The following NRG4 variants were observed in gnomAD, a reference collection of about 807,000 sequenced individuals.
NRG4 encodes neuregulin 4.
Under a neutral mutation model 15.0 loss-of-function variants are expected in NRG4, and 10 were observed. That is an observed-to-expected ratio of 0.67 (90% CI 0.41 to 1.13). The LOEUF (loss-of-function observed/expected upper bound fraction) is 1.13. NRG4 is among the 50% of genes most tolerant of loss of function. NRG4 has a pLI of 0.00. For synonymous variants in NRG4, 41 were observed against 50.1 expected, an observed-to-expected ratio of 0.82 and a Z score of 0.77; for missense variants, 139 against 140.2, an observed-to-expected ratio of 0.99 and a Z score of 0.04.
chr15:76,020,781 A>G (rs2035126480), intron 5 of NRG4, among the ~76,000 whole-genome samples: 1 of 152,238 alleles, frequency 6.6e-6, no homozygotes, highest in African/African-American at 2.4e-5. Flanking sequence ...ATGAAGGCCG[A>G]GAGAGGTAAA....
At chr15:76,013,842 C>T (rs1411953974), upstream of NRG4, among the ~76,000 whole-genome samples, 1 of 152,070 alleles carries the variant, frequency 6.6e-6, no homozygotes. Flanking sequence ...ATTTATAATC[C>T]TTTGGGTATA....
At chr15:75,959,732 C>A (rs1406066081) in intron 4 of NRG4, among the ~76,000 whole-genome samples, 2 of 152,084 alleles carry the variant, frequency 1.3e-5, no homozygotes, top group Non-Finnish European at 2.9e-5. Context: ...AACTCCTGGG[C>A]TCAAGCAGTC....
intron 3 of NRG4, among the ~76,000 whole-genome samples, chr15:75,992,302 T>G (rs1342254207): frequency 6.6e-6 from 1 of 152,150 alleles, no homozygotes; most frequent in Non-Finnish European, 1.5e-5. Flanking sequence ...TTTTTACTAT[T>G]TCCAAAGTTC....
upstream of NRG4, among the ~76,000 whole-genome samples, chr15:76,013,251 C>T (rs1033313226): frequency 2.0e-5 from 3 of 151,804 alleles, no homozygotes; most frequent in Non-Finnish European, 4.4e-5. Flanking sequence ...GGTGTGAACC[C>T]GGGAGGCGGA....
intron 3 of NRG4, among the ~76,000 whole-genome samples, chr15:75,963,342 A>G (rs2032624212): frequency 6.6e-6 from 1 of 152,108 alleles, no homozygotes; most frequent in African/African-American, 2.4e-5. Flanking sequence ...AACTTAAATG[A>G]AAGTAAAAAT....
chr15:75,947,246 A>G (rs1267993040), intron 5 of NRG4, among the ~76,000 whole-genome samples: 1 of 152,188 alleles, frequency 6.6e-6, no homozygotes, highest in Admixed American at 6.5e-5. Flanking sequence ...GATGCTAATG[A>G]GATATATGAT....
chr15:75,998,981 A>C (rs2034308252), intron 3 of NRG4, among the ~76,000 whole-genome samples: 2 of 152,206 alleles, frequency 1.3e-5, no homozygotes. Flanking sequence ...AACTAGACTT[A>C]CCACATATTA....
intron 5 of NRG4, among the ~76,000 whole-genome samples, chr15:76,019,755 C>T (rs1020817300): frequency 2.0e-5 from 3 of 152,162 alleles, no homozygotes; most frequent in South Asian, 4.1e-4. Context: ...GTGTTGATCT[C>T]GCTGGGAGCT....
intron 3 of NRG4, among the ~76,000 whole-genome samples, chr15:75,973,034 T>C (rs1251358838): frequency 1.3e-5 from 2 of 152,184 alleles, no homozygotes; most frequent in Non-Finnish European, 2.9e-5. Flanking sequence ...GTTTGTGTCC[T>C]CTCTTATTTC....
At chr15:76,026,948 C>T (rs1479336047) in intron 5 of NRG4, among the ~76,000 whole-genome samples, 3 of 151,950 alleles carry the variant, frequency 2.0e-5, no homozygotes, top group African/African-American at 7.3e-5. Context: ...TGGTGAAACC[C>T]CATCTCTACT....
At chr15:75,985,486 T>C (rs2033766194) in intron 3 of NRG4, among the ~76,000 whole-genome samples, 1 of 152,200 alleles carries the variant, frequency 6.6e-6, no homozygotes, top group African/African-American at 2.4e-5. Flanking sequence ...CATATATGTA[T>C]CTTCTGCCTC....
upstream of NRG4, among the ~76,000 whole-genome samples, chr15:76,013,588 C>A (rs927575708): frequency 6.6e-6 from 1 of 151,982 alleles, no homozygotes; most frequent in Non-Finnish European, 1.5e-5. Context: ...TGAGAACATG[C>A]GGTGTTTGGT....
chr15:76,047,552 T>C (rs989976371), intron 4 of NRG4, among the ~76,000 whole-genome samples: 32 of 150,448 alleles, frequency 2.1e-4, no homozygotes, highest in Admixed American at 1.9e-3. Context: ...CACTCATATA[T>C]AGAAGCTAAA....
Position 75,994,876 on chromosome 15 carries a change from T to G in NRG4, c.104+14324A>C, listed in dbSNP as rs368527079. Among the ~76,000 whole-genome samples the G allele has an allele frequency of 3.9e-5, 6 of 152,078 alleles. No individual in the cohort carries two copies. The East Asian group carries it at 9.6e-4, about 24-fold the overall frequency. On this transcript the variant is annotated intron_variant, in intron 3 of 5. Coordinates refer to ENST00000394907, the MANE Select transcript of NRG4 (RefSeq NM_138573.4). The stretch of plus-strand genomic sequence containing the variant: ...AAAGGAATATCTGAGGCTGGGTAAT[T>G]TATAAAGAAAAGAGAGGCTGGGCAT...
At chr15:75,961,081 T>C (rs967788862) in intron 4 of NRG4, among the ~76,000 whole-genome samples, 5 of 152,338 alleles carry the variant, frequency 3.3e-5, no homozygotes, top group African/African-American at 1.2e-4. Context: ...CTTTTATGAT[T>C]ACCTTCAGCT....
intron 4 of NRG4, among the ~76,000 whole-genome samples, chr15:76,043,874 C>G (rs1378322115): frequency 6.6e-6 from 1 of 152,220 alleles, no homozygotes; most frequent in Non-Finnish European, 1.5e-5. Context: ...ATCACATTAC[C>G]TGACTTCAAA....
downstream of NRG4, chr15:75,935,478 G>C (rs1217120413): frequency 6.6e-6 from 1 of 151,964 alleles, no homozygotes; most frequent in African/African-American, 2.4e-5. Context: ...AATTTCTGGG[G>C]CTAGTTTCCT....
At chr15:76,037,086 G>A (rs2035614333) in intron 4 of NRG4, among the ~76,000 whole-genome samples, 3 of 151,964 alleles carry the variant, frequency 2.0e-5, no homozygotes, top group Admixed American at 6.6e-5. Context: ...ATTTCTATAC[G>A]CCAAAAGCAA....
intron 5 of NRG4, among the ~76,000 whole-genome samples, chr15:76,023,499 C>T (rs2035222156): frequency 6.6e-6 from 1 of 152,148 alleles, no homozygotes; most frequent in Admixed American, 6.5e-5. Flanking sequence ...CATCCCCAGC[C>T]CCAAGTCCAG....
Sources: allele counts gnomAD v4.1 joint callset (sites outside exome capture counted in the v4.1 genomes callset), GRCh38; gene constraint gnomAD v4.1.1; transcripts MANE v1.5; gene names NCBI Gene and HGNC (gene_info 2026-07-23, HGNC 2026-07-21).